CHD1: variants seen among roughly 807,000 people sequenced by gnomAD.
CHD1 encodes ATP-dependent chromatin remodeler CHD1.
A neutral mutation model predicts 224.2 loss-of-function variants in CHD1; 36 were observed. The observed-to-expected ratio is 0.16, with a 90% CI of 0.12 to 0.21. CHD1 has a LOEUF of 0.21. Ranked by LOEUF, CHD1 falls within the 10% of genes least tolerant of loss-of-function variation. CHD1 has a pLI of 1.00. For missense variants in CHD1, 1,378 were observed against 1,994.8 expected (o/e 0.69, Z 5.89); for synonymous variants, 668 against 658.3 (o/e 1.01, Z -0.23).
At chr5:98,867,881 C>A (rs1749017023) in intron 31 of CHD1, among the ~76,000 whole-genome samples, 2 of 148,446 alleles carry the variant, frequency 1.3e-5, no homozygotes, top group African/African-American at 5.0e-5. Flanking sequence ...CAGCTCACAG[C>A]AACCTCAGCC....
rs1580433881 is a variant in CHD1 at position 98,888,121 on chromosome 5, T to C, written c.2463A>G (p.Ala821=). 1 of 1,603,356 alleles carries C rather than the reference T, an allele frequency of 6.2e-7. No individual in the cohort carries two copies. Among genetic ancestry groups the C allele is most frequent in the Non-Finnish European group, 8.5e-7 (1 of 1,173,846 alleles). The change falls in exon 17 of 36, where the codon GCA becomes GCG. Residue 821 remains alanine (A), a synonymous_variant. Coordinates refer to ENST00000614616, the MANE Select transcript of CHD1 (RefSeq NM_001270.4). The part of the protein sequence containing the change: ...SQMVRMLDIL[A]EYLKYRQFPF... ...GGAATTGACGATATTTCAAATATTC[T>C]GCAAGTATATCTAACATCCGCACCA...
Position 98,875,132 on chromosome 5 carries a change from T to C in CHD1, c.3399-19A>G. 1.4e-6 allele frequency: 2 copies of C among 1,449,702 alleles called. No individual in the cohort carries two copies. The highest frequency in any genetic ancestry group is 1.9e-6 in the Non-Finnish European group (2 of 1,041,730). 89.8% of individuals were successfully genotyped at this position (1,449,702 alleles called of 1,614,324 possible). On this transcript the variant is annotated intron_variant, in intron 24 of 35. Coordinates refer to ENST00000614616, the MANE Select transcript of CHD1 (RefSeq NM_001270.4). Reference sequence around the variant, plus strand: ...GATAAACCTAAGAGAAAATAATTGTTTGGTAAATGTGAGCTTCAGTATTCA... The same window carrying C: ...GATAAACCTAAGAGAAAATAATTGTCTGGTAAATGTGAGCTTCAGTATTCA...
rs1399842880 is a variant in CHD1 at position 98,903,815 on chromosome 5, A to C, written c.349T>G (p.Ser117Ala). Reference protein sequence around the residue: ...QQQQQQQHQASSNSGSEEDSS... With the variant: ...QQQQQQQHQAASNSGSEEDSS... ...ACCTCTTCTGATCCGCTATTAGATG[A>C]GGCTTGATGTTGTTGTTGCTGCTGC... Residue 117 changes from serine to alanine, a missense_variant, in exon 4 of 36, where the codon TCA becomes GCA. Coordinates refer to ENST00000614616, the MANE Select transcript of CHD1 (RefSeq NM_001270.4). The C allele has an allele frequency of 1.2e-6, 2 of 1,613,404 alleles. No individual in the cohort carries two copies. Among genetic ancestry groups the C allele is most frequent in the Middle Eastern group, 1.7e-4 (1 of 6,060 alleles).
chr5:98,910,150 AT>A (rs1752295486), intron 2 of CHD1, among the ~76,000 whole-genome samples: 1 of 152,192 alleles, frequency 6.6e-6, no homozygotes, highest in South Asian at 2.1e-4. Context: ...GAGAAACTAC[AT>A]TAAGAATTCA....
At chr5:98,876,663 T>C (rs944648286) in intron 23 of CHD1, 105 bp from the exon 24 acceptor site, 4 of 987,242 alleles carry the variant, frequency 4.1e-6, no homozygotes, top group Non-Finnish European at 4.5e-6. Context: ...TGTTATTAAA[T>C]GTATCAAAAA....
intron 16 of CHD1, among the ~76,000 whole-genome samples, chr5:98,888,544 A>G (rs574157168): frequency 5.9e-5 from 9 of 152,310 alleles, no homozygotes; most frequent in Non-Finnish European, 1.0e-4. Context: ...CTGAAGAACA[A>G]TGACATCAGA....
intron 31 of CHD1, among the ~76,000 whole-genome samples, chr5:98,865,385 A>T (rs1482954816): frequency 6.6e-6 from 1 of 152,200 alleles, no homozygotes; most frequent in Non-Finnish European, 1.5e-5. Context: ...CAGAAATATA[A>T]CGGTGTGACT....
chr5:98,911,149 A>C lies in CHD1; in HGVS notation c.54-6051T>G, dbSNP rs1370549673. ...TAAAATGAAAAAAAAAAAAAAAAAT[A>C]TATATATATATATATATATATATAT... On this transcript the variant is annotated intron_variant, in intron 2 of 35. Coordinates refer to ENST00000614616, the MANE Select transcript of CHD1 (RefSeq NM_001270.4). Among the ~76,000 whole-genome samples the C allele has an allele frequency of 2.2e-4, 17 of 77,856 alleles. No individual in the cohort carries two copies. In the East Asian group the frequency reaches 3.9e-3, roughly 18 times the overall value. 51.1% of individuals were successfully genotyped at this position (77,856 alleles called of 152,430 possible). A position where few individuals can be genotyped will look rare whatever the true frequency, so the allele number is the denominator to read the frequency against.
intron 5 of CHD1, 105 bp from the exon 6 acceptor site, chr5:98,901,440 T>C (rs189705429): frequency 1.2e-5 from 10 of 850,044 alleles, no homozygotes; most frequent in East Asian, 2.7e-5. Flanking sequence ...CTATCAAAAA[T>C]ACTGTTGCTT....
chr5:98,904,778 T>C, intron 3 of CHD1, 119 bp downstream of exon 3: 1 of 935,950 alleles, frequency 1.1e-6, no homozygotes, highest in Non-Finnish European at 1.6e-6. Flanking sequence ...TAAAAGTAAA[T>C]TTTAATTTAA....
At chr5:98,892,103 C>G (rs1391865456) in intron 15 of CHD1, among the ~76,000 whole-genome samples, 1 of 152,110 alleles carries the variant, frequency 6.6e-6, no homozygotes, top group African/African-American at 2.4e-5. Flanking sequence ...CTGTATAGAT[C>G]TTGACATACA....
chr5:98,858,029 C>A, intron 35 of CHD1, 151 bp downstream of exon 35: 1 of 559,544 alleles, frequency 1.8e-6, no homozygotes, highest in Non-Finnish European at 3.1e-6. Flanking sequence ...AAAATATATA[C>A]ATTTTTCTTA....
At chr5:98,906,786 CTATTAAATTATTCTGCTAG>C (rs1752076248) in intron 2 of CHD1, among the ~76,000 whole-genome samples, 1 of 152,146 alleles carries the variant, frequency 6.6e-6, no homozygotes, top group Non-Finnish European at 1.5e-5. Context: ...AATGTGAGTT[CTATTAAATTATTCTGCTAG>C]TAGCAATAAA....
rs1265978963 is a variant in CHD1 at position 98,901,115 on chromosome 5, T to G, written c.588-33A>C. 2.6e-6 allele frequency: 4 copies of G among 1,566,756 alleles called. No individual in the cohort carries two copies. The African/African-American group carries it at 4.1e-5, about 16-fold the overall frequency. On this transcript the variant is annotated intron_variant, in intron 6 of 35. Coordinates refer to ENST00000614616, the MANE Select transcript of CHD1 (RefSeq NM_001270.4). The stretch of plus-strand genomic sequence containing the variant: ...AGTGCAAAGAGAAAAAAAAACAAGA[T>G]TTGAGAAACTATATACAAAAAGAAC...
In CHD1 at chr5:98,870,753, G is replaced by A. The variant is rs1159501001; in HGVS notation, c.3912C>T (p.Thr1304=). ...GTAATTTGATGAGGTAGTCTGCACG[G>A]GTCTGCAACTGTTTTGCTTGTGGTT... ...DKKPQAKQLQ[T]RADYLIKLLS... Residue 1304 remains threonine, a synonymous_variant, in exon 29 of 36, where the codon ACC becomes ACT. Coordinates refer to ENST00000614616, the MANE Select transcript of CHD1 (RefSeq NM_001270.4). The A allele has an allele frequency of 1.2e-6, 2 of 1,612,158 alleles. No individual in the cohort carries two copies. The highest frequency in any genetic ancestry group is 1.7e-6 in the Non-Finnish European group (2 of 1,179,028).
At chr5:98,883,291 G>GT in intron 18 of CHD1, 54 bp from the exon 19 acceptor site, 1 of 1,280,886 alleles carries the variant, frequency 7.8e-7, no homozygotes, top group Non-Finnish European at 1.1e-6. Context: ...TTTTCTGAAC[G>GT]TAAGCAGTAT....
chr5:98,906,805 G>A (rs1012593457), intron 2 of CHD1, among the ~76,000 whole-genome samples: 4 of 152,206 alleles, frequency 2.6e-5, no homozygotes, highest in African/African-American at 9.7e-5. Flanking sequence ...TATTCTGCTA[G>A]TAGCAATAAA....
chr5:98,895,247 T>C (rs868071931), intron 12 of CHD1, among the ~76,000 whole-genome samples: 1 of 150,552 alleles, frequency 6.6e-6, no homozygotes, highest in Non-Finnish European at 1.5e-5. Context: ...CGAAAAGGTC[T>C]TATTTAAGAA....
intron 10 of CHD1, among the ~76,000 whole-genome samples, chr5:98,897,941 T>A (rs988802426): frequency 3.3e-5 from 5 of 152,146 alleles, no homozygotes; most frequent in African/African-American, 1.2e-4. Context: ...CAACCCTTCC[T>A]GACAATCACC....
Sources: gnomAD v4.1 joint callset for allele counts (sites outside exome capture counted in the v4.1 genomes callset) on GRCh38, gnomAD v4.1.1 for gene constraint, MANE v1.5 for transcripts, NCBI Gene and HGNC (gene_info 2026-07-23, HGNC 2026-07-21) for gene names.